Variants in LRRIQ1 observed in about 807,000 individuals in gnomAD.
LRRIQ1 encodes leucine-rich repeat- and IQ domain-containing protein 1.
Under a neutral mutation model 211.9 loss-of-function variants are expected in LRRIQ1, and 210 were observed. The observed-to-expected ratio is 0.99, with a 90% CI of 0.89 to 1.11. LRRIQ1 has a LOEUF of 1.11. Ranked by LOEUF, LRRIQ1 falls within the 50% of genes most tolerant of loss-of-function variation. LRRIQ1 has a pLI of 0.00. For missense variants in LRRIQ1, 2,136 were observed against 1,939.5 expected (o/e 1.10, Z -1.90); for synonymous variants, 699 against 650.1 (o/e 1.08, Z -1.14).
chr12:85,213,930 A>G (rs1298733902), intron 24 of LRRIQ1, among the ~76,000 whole-genome samples: 1 of 152,032 alleles, frequency 6.6e-6, no homozygotes, highest in Non-Finnish European at 1.5e-5. Context: ...AATAACCAGT[A>G]TCATGAATAG....
intron 18 of LRRIQ1, 21 bp downstream of exon 18, chr12:85,128,054 A>C: frequency 6.5e-7 from 1 of 1,527,528 alleles, no homozygotes. Flanking sequence ...ATCTTTTGGT[A>C]ACATAGTTAC....
chr12:85,080,555 C>G (rs1480516593), intron 11 of LRRIQ1, among the ~76,000 whole-genome samples: 1 of 151,320 alleles, frequency 6.6e-6, no homozygotes, highest in Non-Finnish European at 1.5e-5. Context: ...TGGATATTTT[C>G]TTTTAACTCA....
chr12:85,236,702 T>C (rs556572793), intron 26 of LRRIQ1, among the ~76,000 whole-genome samples: 20 of 151,502 alleles, frequency 1.3e-4, no homozygotes, highest in African/African-American at 4.6e-4. Flanking sequence ...TGCAAGCCCG[T>C]TCTTGGAGGA....
At chr12:85,072,756 T>C (rs773012305) in intron 10 of LRRIQ1, 151 bp from the exon 11 acceptor site, 3 of 429,002 alleles carry the variant, frequency 7.0e-6, no homozygotes, top group Non-Finnish European at 1.2e-5. Context: ...TTTAACCTTT[T>C]GAATCAAGTT....
intron 15 of LRRIQ1, among the ~76,000 whole-genome samples, chr12:85,108,774 A>C (rs1592811614): frequency 6.6e-6 from 1 of 152,162 alleles, no homozygotes; most frequent in Admixed American, 6.6e-5. Context: ...TCAAGGCAGG[A>C]TAAGCCAAGC....
chr12:85,193,199 G>A (rs1389586672), intron 24 of LRRIQ1, among the ~76,000 whole-genome samples: 1 of 128,340 alleles, frequency 7.8e-6, no homozygotes, highest in Non-Finnish European at 1.6e-5. Flanking sequence ...CATCTGATTG[G>A]TGTACCTGAA....
At chr12:85,074,655 T>C (rs1186041057) in intron 11 of LRRIQ1, among the ~76,000 whole-genome samples, 1 of 151,996 alleles carries the variant, frequency 6.6e-6, no homozygotes, top group Non-Finnish European at 1.5e-5. Flanking sequence ...TTATGACCAA[T>C]TTTAAATAAG....
At chr12:85,041,098 CA>C (rs1383994733) in intron 3 of LRRIQ1, among the ~76,000 whole-genome samples, 3 of 151,630 alleles carry the variant, frequency 2.0e-5, no homozygotes, top group Non-Finnish European at 4.4e-5. Flanking sequence ...AAATGTTCAA[CA>C]AGACCTTTTT....
At chr12:85,058,030 A>T (rs1881328827) in intron 8 of LRRIQ1, among the ~76,000 whole-genome samples, 1 of 151,996 alleles carries the variant, frequency 6.6e-6, no homozygotes, top group African/African-American at 2.4e-5. Context: ...TCTATCCAAT[A>T]AGATGATCAA....
intron 8 of LRRIQ1, among the ~76,000 whole-genome samples, chr12:85,061,314 C>T (rs910278619): frequency 4.6e-5 from 7 of 151,564 alleles, no homozygotes; most frequent in African/African-American, 1.7e-4. Flanking sequence ...ATAATTAATA[C>T]AAAAATTTAT....
chr12:85,137,213 A>G (rs1889198199), intron 18 of LRRIQ1, among the ~76,000 whole-genome samples: 1 of 151,314 alleles, frequency 6.6e-6, no homozygotes, highest in Non-Finnish European at 1.5e-5. Context: ...TACACAGTAT[A>G]TTCTGAAGCT....
At chr12:85,140,521 A>G (rs1690837) in intron 19 of LRRIQ1, among the ~76,000 whole-genome samples, 2,495 of 151,442 alleles carry the variant, frequency 0.016, 69 homozygotes, top group African/African-American at 0.058. Flanking sequence ...TACTGTATAC[A>G]CAATCATATC....
At chr12:85,196,373 A>G (rs1282727394) in intron 24 of LRRIQ1, among the ~76,000 whole-genome samples, 2 of 152,190 alleles carry the variant, frequency 1.3e-5, no homozygotes, top group African/African-American at 4.8e-5. Context: ...CGCCAAGTCA[A>G]TCCTAAGCCA....
At chr12:85,053,856 C>T (rs937173918) in intron 7 of LRRIQ1, among the ~76,000 whole-genome samples, 1 of 152,142 alleles carries the variant, frequency 6.6e-6, no homozygotes, top group African/African-American at 2.4e-5. Flanking sequence ...TACAGGCGCC[C>T]GCCACTGCGC....
At chr12:85,227,032 G>C (rs1170097728) in intron 24 of LRRIQ1, among the ~76,000 whole-genome samples, 1 of 151,492 alleles carries the variant, frequency 6.6e-6, no homozygotes, top group Admixed American at 6.6e-5. Context: ...ATAATCCTTT[G>C]GGTATATGCC....
intron 19 of LRRIQ1, among the ~76,000 whole-genome samples, chr12:85,148,900 G>A (rs1319498792): frequency 1.3e-5 from 2 of 152,012 alleles, no homozygotes; most frequent in African/African-American, 4.8e-5. Context: ...CTAATGATCG[G>A]TAATGTTGAA....
At chr12:85,060,602 A>G (rs1881679011) in intron 8 of LRRIQ1, among the ~76,000 whole-genome samples, 1 of 151,964 alleles carries the variant, frequency 6.6e-6, no homozygotes, top group Non-Finnish European at 1.5e-5. Flanking sequence ...TAGGTGACAT[A>G]CCTGAAATTG....
chr12:85,049,703 T>G (rs1236865299), intron 6 of LRRIQ1, among the ~76,000 whole-genome samples: 3 of 152,208 alleles, frequency 2.0e-5, no homozygotes, highest in African/African-American at 4.8e-5. Flanking sequence ...CTGTATCAAT[T>G]TTTTCATTTC....
At chr12:85,149,533 AAC>A (rs1890102689) in intron 19 of LRRIQ1, among the ~76,000 whole-genome samples, 1 of 151,856 alleles carries the variant, frequency 6.6e-6, no homozygotes, top group Admixed American at 6.6e-5. Context: ...TTTATTAAGC[AAC>A]AACTGAAATT....
Sources: allele counts gnomAD v4.1 joint callset (sites outside exome capture counted in the v4.1 genomes callset), GRCh38; gene constraint gnomAD v4.1.1; transcripts MANE v1.5; gene names NCBI Gene and HGNC (gene_info 2026-07-23, HGNC 2026-07-21).